ZNF423: variants seen among roughly 807,000 people sequenced by gnomAD.
ZNF423 encodes zinc finger protein 423.
A neutral mutation model predicts 95.8 loss-of-function variants in ZNF423; 12 were observed. That is an observed-to-expected ratio of 0.13 (90% confidence interval 0.08 to 0.20). The LOEUF is 0.20. Among genes scored for constraint, ZNF423 ranks in the 10% least tolerant of loss-of-function variants. The probability of loss-of-function intolerance (pLI) is 1.00; values close to 1 mark genes in which losing one functional copy is unlikely to be tolerated. For synonymous variants in ZNF423, 749 were observed against 711.9 expected, an observed-to-expected ratio of 1.05 and a Z score of -0.83; for missense variants, 1,316 against 1,737.1, an observed-to-expected ratio of 0.76 and a Z score of 4.31.
chr16:49,581,602 T>TA (rs753837186), intron 5 of ZNF423, among the ~76,000 whole-genome samples: 15 of 152,192 alleles, frequency 9.9e-5, no homozygotes, highest in Non-Finnish European at 1.0e-4. Context: ...ATTTTATCTG[T>TA]AAAAAATTGT....
intron 2 of ZNF423, among the ~76,000 whole-genome samples, chr16:49,762,802 C>G (rs2033856168): frequency 6.6e-6 from 1 of 152,296 alleles, no homozygotes; most frequent in Non-Finnish European, 1.5e-5. Flanking sequence ...GCAACCAGCC[C>G]AACGCTTGGT....
intron 5 of ZNF423, among the ~76,000 whole-genome samples, chr16:49,542,521 T>C (rs1478064671): frequency 1.3e-5 from 2 of 152,194 alleles, no homozygotes; most frequent in Non-Finnish European, 2.9e-5. Context: ...CCATGTGAGC[T>C]GGAATGTGCC....
chr16:49,488,785 A>C lies in ZNF423; in HGVS notation c.*2490T>G, dbSNP rs1483495985. On this transcript the variant is annotated 3_prime_UTR_variant, in exon 8 of 8. Coordinates refer to ENST00000563137, the MANE Select transcript of ZNF423 (RefSeq NM_001379286.1). ...TAACCCTACACTGCTCCCCAACCCT[A>C]ATACCACCTGATGGTAAAGAATGCC... The C allele has an allele frequency of 6.6e-6, 1 of 152,162 alleles. No homozygotes were observed. The highest frequency in any genetic ancestry group is 1.9e-4 in the East Asian group (1 of 5,184). 9.4% of individuals were successfully genotyped at this position (152,162 alleles called of 1,614,324 possible).
chr16:49,645,774 GT>G (rs2151897179), intron 3 of ZNF423, among the ~76,000 whole-genome samples: 1 of 152,302 alleles, frequency 6.6e-6, no homozygotes, highest in South Asian at 2.1e-4. Flanking sequence ...CATGGGGGTG[GT>G]TTCCCCCATG....
At chr16:49,816,373 T>G (rs2034856272) in intron 1 of ZNF423, among the ~76,000 whole-genome samples, 1 of 152,124 alleles carries the variant, frequency 6.6e-6, no homozygotes. Context: ...TAAAATGACA[T>G]GAGAGGTGCT....
At chr16:49,858,164 C>T (rs1345367453), upstream of ZNF423, among the ~76,000 whole-genome samples, 22 of 152,072 alleles carry the variant, frequency 1.4e-4, no homozygotes, top group Non-Finnish European at 1.6e-4. This position sits in a 1 kb window ranked among gnomAD's most constrained non-coding sequence, Gnocchi z 4.3. Context: ...TACGTCCCCT[C>T]GGAGACGAGT....
intron 1 of ZNF423, among the ~76,000 whole-genome samples, chr16:49,835,377 A>C (rs1653200781): frequency 6.6e-6 from 1 of 152,192 alleles, no homozygotes; most frequent in African/African-American, 2.4e-5. Context: ...GTCAGGCCTC[A>C]TCACCGGGAA....
chr16:49,666,590 A>ACATG (rs1310561205), intron 3 of ZNF423, among the ~76,000 whole-genome samples: 3 of 152,202 alleles, frequency 2.0e-5, no homozygotes, highest in African/African-American at 7.2e-5. Context: ...ATACTCAATT[A>ACATG]CATGCATGCA....
At chr16:49,713,737 G>C (rs927117214) in intron 3 of ZNF423, among the ~76,000 whole-genome samples, 1 of 152,214 alleles carries the variant, frequency 6.6e-6, no homozygotes, top group African/African-American at 2.4e-5. Context: ...AAATATGTCT[G>C]CAAGGTGTTT....
At chr16:49,719,260 C>T (rs904846853) in intron 3 of ZNF423, among the ~76,000 whole-genome samples, 13 of 152,096 alleles carry the variant, frequency 8.5e-5, no homozygotes, top group Admixed American at 6.5e-4. Context: ...GCAGACCTGA[C>T]GGGAAAGGAA....
At chr16:49,634,185 C>T (rs1214198591) in intron 4 of ZNF423, among the ~76,000 whole-genome samples, 12 of 144,832 alleles carry the variant, frequency 8.3e-5, no homozygotes, top group African/African-American at 2.8e-4. Flanking sequence ...GGATTACAGG[C>T]GTGAGCCACC....
intron 7 of ZNF423, among the ~76,000 whole-genome samples, chr16:49,515,722 T>A (rs1362203826): frequency 6.6e-5 from 10 of 152,240 alleles, no homozygotes; most frequent in Admixed American, 6.5e-4. Flanking sequence ...CAGCCCTGTA[T>A]GGCTGGTAAG....
intron 5 of ZNF423, among the ~76,000 whole-genome samples, chr16:49,601,804 T>C (rs936420200): frequency 2.6e-5 from 4 of 152,208 alleles, no homozygotes; most frequent in Non-Finnish European, 5.9e-5. Context: ...GAGAGCATCC[T>C]CCCTGCCTGT....
At chr16:49,590,662 G>A (rs528419616) in intron 5 of ZNF423, among the ~76,000 whole-genome samples, 32 of 152,194 alleles carry the variant, frequency 2.1e-4, no homozygotes, top group Non-Finnish European at 4.1e-4. Context: ...CTCTTCCCCT[G>A]GAAGCGTCTG....
intron 5 of ZNF423, among the ~76,000 whole-genome samples, chr16:49,589,936 T>C (rs551384570): frequency 3.3e-5 from 5 of 151,638 alleles, no homozygotes; most frequent in Non-Finnish European, 5.9e-5. Context: ...AAATGAGTGT[T>C]TTCACAAAAG....
In ZNF423 at chr16:49,539,858, G is replaced by A. The variant is rs188066905; in HGVS notation, c.3602-14364C>T. Reference sequence around the variant, plus strand: ...AGAGTGGGGAAGCAGAGCTCCAGGGGAAATGCCATGGACGTCTGGGCTGGC... The same window carrying A: ...AGAGTGGGGAAGCAGAGCTCCAGGGAAAATGCCATGGACGTCTGGGCTGGC... On this transcript the variant is annotated intron_variant, in intron 5 of 7. Coordinates refer to ENST00000563137, the MANE Select transcript of ZNF423 (RefSeq NM_001379286.1). Among the ~76,000 whole-genome samples the A allele has an allele frequency of 1.7e-3, 257 of 152,286 alleles. 1 individual carries two copies. Among genetic ancestry groups the A allele is most frequent in the African/African-American group, 5.1e-3 (213 of 41,574 alleles).
intron 5 of ZNF423, among the ~76,000 whole-genome samples, chr16:49,558,690 C>T (rs900694611): frequency 6.6e-6 from 1 of 152,202 alleles, no homozygotes; most frequent in Non-Finnish European, 1.5e-5. Flanking sequence ...ACACATCCCA[C>T]GTCCACATCT....
At chr16:49,503,179 C>T (rs1967494972) in intron 7 of ZNF423, among the ~76,000 whole-genome samples, 1 of 152,082 alleles carries the variant, frequency 6.6e-6, no homozygotes, top group African/African-American at 2.4e-5. Flanking sequence ...CTAATCTGCC[C>T]CACGTTCACC....
intron 3 of ZNF423, among the ~76,000 whole-genome samples, chr16:49,697,597 T>G (rs1596874436): frequency 1.3e-5 from 2 of 152,020 alleles, no homozygotes; most frequent in African/African-American, 4.8e-5. Context: ...TAGGGAAATT[T>G]TTTGGAGTGT....
Sources: gnomAD v4.1 joint callset for allele counts (sites outside exome capture counted in the v4.1 genomes callset) on GRCh38, gnomAD v4.1.1 for gene constraint, Gnocchi (gnomAD v3.1) non-coding constraint, MANE v1.5 for transcripts, NCBI Gene and HGNC (gene_info 2026-07-23, HGNC 2026-07-21) for gene names.